The following SLC25A15 variants were observed in gnomAD, a reference collection of about 807,000 sequenced individuals.
SLC25A15 encodes mitochondrial ornithine transporter 1.
SLC25A15 carries 24 observed loss-of-function variants against 32.3 expected under a neutral mutation model. That is an observed-to-expected ratio of 0.74 (90% CI 0.54 to 1.04). The LOEUF (loss-of-function observed/expected upper bound fraction) is 1.04. Ranked by LOEUF, SLC25A15 falls within the 50% of genes least tolerant of loss-of-function variation. The pLI, the probability that SLC25A15 is intolerant of heterozygous loss-of-function variation, is 0.00. For synonymous variants in SLC25A15, 132 were observed against 142.1 expected, an observed-to-expected ratio of 0.93 and a Z score of 0.51; for missense variants, 317 against 374.5, an observed-to-expected ratio of 0.85 and a Z score of 1.27.
At chr13:40,800,214 G>A (rs1292154313) in intron 3 of SLC25A15, among the ~76,000 whole-genome samples, 1 of 152,134 alleles carries the variant, frequency 6.6e-6, no homozygotes, top group Non-Finnish European at 1.5e-5. Context: ...GGTGCCTGGA[G>A]GTCTGAAGGT....
chr13:40,807,844 T>C (rs540254871), intron 5 of SLC25A15, among the ~76,000 whole-genome samples: 1 of 152,362 alleles, frequency 6.6e-6, no homozygotes, highest in African/African-American at 2.4e-5. Flanking sequence ...TTGAGAGCAG[T>C]GAAAACCATA....
intron 6 of SLC25A15, 39 bp from the exon 7 acceptor site, chr13:40,809,504 G>C: frequency 6.2e-7 from 1 of 1,611,846 alleles, no homozygotes; most frequent in Non-Finnish European, 8.5e-7. Context: ...CCCCAAAGGA[G>C]GGATTGTTGC....
At chr13:40,807,563 A>G (rs767241202) in intron 5 of SLC25A15, 100 bp downstream of exon 5, 13 of 1,338,204 alleles carry the variant, frequency 9.7e-6, no homozygotes, top group Non-Finnish European at 1.4e-5. Context: ...TCCTCCCCAC[A>G]TTGGTGGCTC....
At chr13:40,802,847 C>G (rs1299698153) in intron 3 of SLC25A15, among the ~76,000 whole-genome samples, 1 of 152,136 alleles carries the variant, frequency 6.6e-6, no homozygotes, top group Non-Finnish European at 1.5e-5. Context: ...GCTGGGATTA[C>G]AGGTGTGAGC....
At chr13:40,804,995 A>G in intron 3 of SLC25A15, 123 bp from the exon 4 acceptor site, 1 of 1,133,492 alleles carries the variant, frequency 8.8e-7, no homozygotes, top group Non-Finnish European at 1.3e-6. Context: ...AGTAGCTGTA[A>G]TCACAGGTTC....
intron 3 of SLC25A15, among the ~76,000 whole-genome samples, chr13:40,804,617 C>T (rs1052635079): frequency 6.6e-6 from 1 of 150,904 alleles, no homozygotes; most frequent in Non-Finnish European, 1.5e-5. Flanking sequence ...TCTCAGGTCA[C>T]TGCAAGCTCT....
chr13:40,797,134 A>G (rs1254599806), intron 2 of SLC25A15, among the ~76,000 whole-genome samples: 1 of 152,178 alleles, frequency 6.6e-6, no homozygotes, highest in Admixed American at 6.5e-5. Flanking sequence ...CGCCGTGACC[A>G]TATCATTTGT....
intron 6 of SLC25A15, 89 bp downstream of exon 6, chr13:40,808,685 G>C (rs991779643): frequency 4.2e-6 from 5 of 1,181,268 alleles, no homozygotes; most frequent in Non-Finnish European, 4.9e-6. Context: ...TGTGATCCCA[G>C]CACTTTGGGA....
intron 3 of SLC25A15, among the ~76,000 whole-genome samples, chr13:40,803,408 T>C (rs1405066547): frequency 6.6e-6 from 1 of 152,114 alleles, no homozygotes; most frequent in Non-Finnish European, 1.5e-5. Flanking sequence ...GGTTTTGCCA[T>C]GTTGGCCAGG....
intron 4 of SLC25A15, among the ~76,000 whole-genome samples, chr13:40,806,534 G>T (rs2138055619): frequency 1.3e-5 from 2 of 152,310 alleles, no homozygotes; most frequent in African/African-American, 4.8e-5. Flanking sequence ...ATGTAGCAGT[G>T]CTGCAGGAAG....
intron 2 of SLC25A15, among the ~76,000 whole-genome samples, chr13:40,793,993 ACAC>A (rs937453427): frequency 6.6e-6 from 1 of 152,244 alleles, no homozygotes; most frequent in Admixed American, 6.5e-5. Context: ...CTCCTGGGAA[ACAC>A]CACTTACTGT....
rs1437009090 is a variant in SLC25A15 at position 40,810,426 on chromosome 13, G to T, written c.*759G>T. On this transcript the variant is annotated 3_prime_UTR_variant, in exon 7 of 7. Transcript: ENST00000338625. ...GATCCGCCCACCTCGGCCTCCCAAA[G>T]TGCTGGGATTACTGGTGTGAGCCAC... is the stretch of plus-strand genomic sequence containing the variant. Among the ~76,000 whole-genome samples, 1 of 152,156 alleles carries T rather than the reference G, an allele frequency of 6.6e-6. No individual in the cohort carries two copies. Among genetic ancestry groups the T allele is most frequent in the African/African-American group, 2.4e-5 (1 of 41,432 alleles).
Position 40,811,620 on chromosome 13 carries a change from G to C in SLC25A15, c.*1953G>C, listed in dbSNP as rs1882457378. 6.6e-6 allele frequency among the ~76,000 whole-genome samples: 1 copy of C among 152,228 alleles called. No homozygotes were observed. The highest frequency in any genetic ancestry group is 1.5e-5 in the Non-Finnish European group (1 of 68,044). Reference sequence around the variant, plus strand: ...TCCCCCATAGACTTGGGGATGGACAGCTGTTCTTTGGCCATATGGTATAAG... The same window carrying C: ...TCCCCCATAGACTTGGGGATGGACACCTGTTCTTTGGCCATATGGTATAAG... On this transcript the variant is annotated 3_prime_UTR_variant, in exon 7 of 7. Coordinates refer to ENST00000338625, the MANE Select transcript of SLC25A15 (RefSeq NM_014252.4).
chr13:40,805,260 G>C lies in SLC25A15; in HGVS notation c.452+5G>C. ...GAAGATAGCCAAGAGCCAGAAGTAA[G>C]CACCACTTGGGCACAAACGTCAGGT... On this transcript the variant is annotated splice_donor_5th_base_variant and intron_variant, in intron 4 of 6. Coordinates refer to ENST00000338625, the MANE Select transcript of SLC25A15 (RefSeq NM_014252.4). 1 of 1,614,118 alleles carries C rather than the reference G, an allele frequency of 6.2e-7. No individual in the cohort carries two copies. Among genetic ancestry groups the C allele is most frequent in the Non-Finnish European group, 8.5e-7 (1 of 1,180,000 alleles).
In SLC25A15 at chr13:40,793,170, C is replaced by A. The variant is rs1381753887; in HGVS notation, c.-57C>A. 7.6e-6 allele frequency: 12 copies of A among 1,576,432 alleles called. No individual in the cohort carries two copies. The Admixed American group carries it at 1.2e-4, about 15-fold the overall frequency. On this transcript the variant is annotated 5_prime_UTR_variant, in exon 2 of 7. It introduces an in-frame stop codon into an upstream open reading frame of the 5' UTR. Coordinates refer to ENST00000338625, the MANE Select transcript of SLC25A15 (RefSeq NM_014252.4). ...TGCCTCCCCCCAGGGATATGTGGTG[C>A]CTGTCATAAGCTCCAGAGAGCTGCC... is the stretch of plus-strand genomic sequence containing the variant.
chr13:40,806,642 C>A (rs1372474880), intron 4 of SLC25A15, among the ~76,000 whole-genome samples: 1 of 152,182 alleles, frequency 6.6e-6, no homozygotes, highest in Non-Finnish European at 1.5e-5. Flanking sequence ...GGGACTTGAT[C>A]CTTCATCTGT....
chr13:40,808,090 T>C (rs1424683136), intron 5 of SLC25A15, among the ~76,000 whole-genome samples: 3 of 152,232 alleles, frequency 2.0e-5, no homozygotes, highest in African/African-American at 7.2e-5. Context: ...AAGACATAGA[T>C]TGTGTTTGGC....
Position 40,812,157 on chromosome 13 carries a change from C to T in SLC25A15, c.*2490C>T, listed in dbSNP as rs1882482003. 6.6e-6 allele frequency among the ~76,000 whole-genome samples: 1 copy of T among 152,196 alleles called. No individual in the cohort carries two copies. Among genetic ancestry groups the T allele is most frequent in the Admixed American group, 6.5e-5 (1 of 15,284 alleles). ...GCTTTCCACAGGAAGTAAACTGCTT[C>T]AGAGCCCACAGTCCCCTGCTCAGTG... On this transcript the variant is annotated 3_prime_UTR_variant, in exon 7 of 7. Coordinates refer to ENST00000338625, the MANE Select transcript of SLC25A15 (RefSeq NM_014252.4).
Position 40,807,380 on chromosome 13 carries a change from A to C in SLC25A15, c.539A>C (p.Glu180Ala). The change falls in exon 5 of 7, where the codon GAA becomes GCA. Residue 180 changes from glutamate to alanine, a missense_variant. Physicochemically the swap from Glu to Ala is moderately radical, Grantham distance 107 (BLOSUM62 -1). Coordinates refer to ENST00000338625, the MANE Select transcript of SLC25A15 (RefSeq NM_014252.4). ...GGACTCTCAAGCACTTTACTTCGAG[A>C]AGTACCAGGCTATTTCTTCTTCTTC... is the stretch of plus-strand genomic sequence containing the variant. Reference protein sequence around the residue: ...YHGLSSTLLREVPGYFFFFGG... With the variant: ...YHGLSSTLLRAVPGYFFFFGG... 6.2e-7 allele frequency: 1 copy of C among 1,614,016 alleles called. No homozygotes were observed. The highest frequency in any genetic ancestry group is 8.5e-7 in the Non-Finnish European group (1 of 1,179,980).
Sources: allele counts gnomAD v4.1 joint callset (sites outside exome capture counted in the v4.1 genomes callset), GRCh38; gene constraint gnomAD v4.1.1; transcripts MANE v1.5; gene names NCBI Gene and HGNC (gene_info 2026-07-23, HGNC 2026-07-21).